PLEKHG1: variants seen among roughly 807,000 people sequenced by gnomAD.
The protein encoded by PLEKHG1 is pleckstrin homology and RhoGEF domain containing G1.
PLEKHG1 carries 44 observed loss-of-function variants against 100.8 expected under a neutral mutation model. That is an observed-to-expected ratio of 0.44 (90% CI 0.34 to 0.56). The LOEUF (loss-of-function observed/expected upper bound fraction) is 0.56, where lower values mean the gene tolerates loss of function less well. Among genes scored for constraint, PLEKHG1 ranks in the 20% least tolerant of loss-of-function variants. PLEKHG1 has a pLI of 0.01. For missense variants in PLEKHG1, 1,545 were observed against 1,720.9 expected (o/e 0.90, Z 1.81); for synonymous variants, 640 against 662.5 (o/e 0.97, Z 0.52).
At chr6:150,636,650 T>A (rs776669819) in intron 1 of PLEKHG1, among the ~76,000 whole-genome samples, 18 of 152,198 alleles carry the variant, frequency 1.2e-4, no homozygotes, top group Non-Finnish European at 1.8e-4. Context: ...ATCTCTTATT[T>A]AATTATTTTT....
At chr6:150,826,005 C>T (rs1007359096) in intron 14 of PLEKHG1, among the ~76,000 whole-genome samples, 2 of 151,990 alleles carry the variant, frequency 1.3e-5, no homozygotes, top group East Asian at 1.9e-4. Context: ...ATGGTGAAAC[C>T]CTGTCTCTAC....
intron 3 of PLEKHG1, among the ~76,000 whole-genome samples, chr6:150,715,735 C>T: frequency 6.6e-6 from 1 of 150,706 alleles, no homozygotes; most frequent in Non-Finnish European, 1.5e-5. Flanking sequence ...TCCACCTGCT[C>T]AGCCTCCCAA....
At chr6:150,603,008 G>A (rs1369708030) in intron 1 of PLEKHG1, among the ~76,000 whole-genome samples, 3 of 149,786 alleles carry the variant, frequency 2.0e-5, no homozygotes, top group Non-Finnish European at 4.4e-5. Context: ...GTGAACCCCG[G>A]GGGGCGGAGC....
chr6:150,800,049 A>C (rs1411256372), intron 5 of PLEKHG1, among the ~76,000 whole-genome samples: 1 of 152,130 alleles, frequency 6.6e-6, no homozygotes, highest in Non-Finnish European at 1.5e-5. Context: ...CCCTCATCTG[A>C]GGCGCACTCC....
At chr6:150,623,815 G>A (rs894562296) in intron 1 of PLEKHG1, among the ~76,000 whole-genome samples, 2 of 152,186 alleles carry the variant, frequency 1.3e-5, no homozygotes, top group Non-Finnish European at 2.9e-5. Context: ...CTGCCCTGTG[G>A]TATTGGGCTT....
In PLEKHG1 at chr6:150,722,569, G is replaced by C. The variant is rs778736026; in HGVS notation, c.-99+1369G>C. ...GGGTTTCACCATGTTAGCCAGGCTG[G>C]TCTCAAACTCCTGACCTTGTGATCC... On this transcript the variant is annotated intron_variant, in intron 1 of 15. Coordinates refer to ENST00000358517, the Ensembl canonical transcript of PLEKHG1. 8.5e-5 allele frequency among the ~76,000 whole-genome samples: 13 copies of C among 152,100 alleles called. No individual in the cohort carries two copies. The East Asian group carries it at 1.4e-3, about 16-fold the overall frequency.
At chr6:150,757,713 A>C (rs1189738177) in intron 2 of PLEKHG1, among the ~76,000 whole-genome samples, 1 of 152,160 alleles carries the variant, frequency 6.6e-6, no homozygotes. Flanking sequence ...TTCAACATTT[A>C]AGTTCCGGGG....
At chr6:150,741,353 C>G (rs1445530640) in intron 2 of PLEKHG1, among the ~76,000 whole-genome samples, 1 of 152,110 alleles carries the variant, frequency 6.6e-6, no homozygotes, top group Non-Finnish European at 1.5e-5. Flanking sequence ...ACTTTTATGG[C>G]TAGATCTTGA....
intron 3 of PLEKHG1, among the ~76,000 whole-genome samples, chr6:150,770,878 G>A (rs1438397475): frequency 1.3e-5 from 2 of 152,216 alleles, no homozygotes; most frequent in South Asian, 2.1e-4. Context: ...TTGGCTGTGA[G>A]TTGATGGTAG....
At chr6:150,779,948 G>A (rs1009796388) in intron 3 of PLEKHG1, among the ~76,000 whole-genome samples, 5 of 151,088 alleles carry the variant, frequency 3.3e-5, no homozygotes, top group African/African-American at 1.2e-4. Flanking sequence ...GGGTGACAGA[G>A]CGAGACTCCG....
Position 150,659,414 on chromosome 6 carries a change from C to G in PLEKHG1, c.-99+8628C>G, listed in dbSNP as rs112646334. Among the ~76,000 whole-genome samples the G allele has an allele frequency of 2.5e-3, 386 of 152,258 alleles. 2 individuals are homozygous for G. Among genetic ancestry groups the G allele is most frequent in the African/African-American group, 8.9e-3 (370 of 41,544 alleles). On this transcript the variant is annotated intron_variant, in intron 3 of 3. Coordinates refer to the PLEKHG1 transcript ENST00000367326. ...CAGTGGGCTCTGGGGTCAGCTAGAC[C>G]TGGATGTGGATCACAGCTCACCTCT...
intron 1 of PLEKHG1, among the ~76,000 whole-genome samples, chr6:150,725,602 C>T (rs1178597045): frequency 6.6e-6 from 1 of 152,136 alleles, no homozygotes; most frequent in Non-Finnish European, 1.5e-5. Context: ...TATCTCCTTG[C>T]TCAGTTGATG....
intron 3 of PLEKHG1, among the ~76,000 whole-genome samples, chr6:150,702,164 A>G (rs1413571959): frequency 1.3e-5 from 2 of 152,222 alleles, no homozygotes; most frequent in Non-Finnish European, 2.9e-5. Flanking sequence ...ACTGGACAAC[A>G]GAGTGGTTGT....
intron 2 of PLEKHG1, among the ~76,000 whole-genome samples, chr6:150,647,093 T>G (rs771066541): frequency 6.6e-6 from 1 of 152,186 alleles, no homozygotes; most frequent in African/African-American, 2.4e-5. Flanking sequence ...ATAATTGACA[T>G]TTTAGGGAAA....
chr6:150,652,489 G>A (rs193000468), intron 3 of PLEKHG1, among the ~76,000 whole-genome samples: 2 of 152,172 alleles, frequency 1.3e-5, no homozygotes, highest in African/African-American at 4.8e-5. Context: ...TTGGGAGGCC[G>A]AGGGGGGTGG....
intron 3 of PLEKHG1, among the ~76,000 whole-genome samples, chr6:150,687,728 G>T (rs1235040772): frequency 6.6e-6 from 1 of 152,124 alleles, no homozygotes; most frequent in African/African-American, 2.4e-5. Flanking sequence ...CTCAGAGCTG[G>T]CCTGCTGCCC....
intron 3 of PLEKHG1, among the ~76,000 whole-genome samples, chr6:150,679,526 A>T (rs555765425): frequency 6.6e-6 from 1 of 152,220 alleles, no homozygotes; most frequent in African/African-American, 2.4e-5. Flanking sequence ...TTGCTTCTTT[A>T]CCTAATTATA....
chr6:150,821,123 C>A (rs1776269825), intron 12 of PLEKHG1, 72 bp from the exon 14 acceptor site: 2 of 1,184,378 alleles, frequency 1.7e-6, no homozygotes, highest in South Asian at 1.3e-5. Context: ...GGCTCATAAT[C>A]CTCTTATAAA....
intron 2 of PLEKHG1, among the ~76,000 whole-genome samples, chr6:150,747,939 G>A (rs1309396936): frequency 1.3e-5 from 2 of 150,788 alleles, no homozygotes; most frequent in African/African-American, 4.9e-5. Flanking sequence ...GTGGTACCAA[G>A]TACATCAAGT....
Sources: allele counts gnomAD v4.1 joint callset (sites outside exome capture counted in the v4.1 genomes callset), GRCh38; gene constraint gnomAD v4.1.1; transcripts MANE v1.5; gene names NCBI Gene and HGNC (gene_info 2026-07-23, HGNC 2026-07-21).